The following LRMDA variants were observed in gnomAD, a reference collection of about 807,000 sequenced individuals.
The protein encoded by LRMDA is leucine-rich melanocyte differentiation-associated protein.
Under a neutral mutation model 29.8 loss-of-function variants are expected in LRMDA, and 18 were observed. The ratio of observed to expected loss-of-function variants is 0.60; its 90% CI spans 0.42 to 0.90. The LOEUF is 0.90. LRMDA is among the 40% of genes least tolerant of loss of function. LRMDA has a pLI of 0.00. For synonymous variants in LRMDA, 125 were observed against 109.4 expected (o/e 1.14, Z -0.89); for missense variants, 273 against 273.9 (o/e 1.00, Z 0.02).
chr10:75,778,854 T>A (rs1203958829), intron 2 of LRMDA, among the ~76,000 whole-genome samples: 3 of 152,192 alleles, frequency 2.0e-5, no homozygotes, highest in African/African-American at 7.2e-5. Context: ...AGGTCATGGT[T>A]TCACAAGAAC....
intron 4 of LRMDA, among the ~76,000 whole-genome samples, chr10:76,054,453 C>T (rs571816701): frequency 6.6e-6 from 1 of 152,110 alleles, no homozygotes; most frequent in African/African-American, 2.4e-5. Flanking sequence ...CTCTCTTTCT[C>T]CTTTGATTTC....
At chr10:76,187,147 A>G (rs1216287622) in intron 5 of LRMDA, among the ~76,000 whole-genome samples, 1 of 152,176 alleles carries the variant, frequency 6.6e-6, no homozygotes, top group African/African-American at 2.4e-5. Context: ...TATATACCAC[A>G]CGATGCTGTC....
chr10:76,127,942 T>G (rs1179176939), intron 5 of LRMDA, among the ~76,000 whole-genome samples: 1 of 152,154 alleles, frequency 6.6e-6, no homozygotes, highest in East Asian at 1.9e-4. Context: ...CATATGAATG[T>G]AGCATTTTAA....
intron 5 of LRMDA, among the ~76,000 whole-genome samples, chr10:76,180,862 T>G (rs1268155451): frequency 6.6e-6 from 1 of 152,158 alleles, no homozygotes; most frequent in Non-Finnish European, 1.5e-5. Flanking sequence ...TTTCCTGGCC[T>G]TATCAATCTA....
intron 5 of LRMDA, among the ~76,000 whole-genome samples, chr10:76,256,796 G>A (rs1852602407): frequency 6.6e-6 from 1 of 152,102 alleles, no homozygotes. Flanking sequence ...TTACTCTGGG[G>A]AACTCCTAGC....
At chr10:75,774,495 T>C (rs11001496) in intron 2 of LRMDA, among the ~76,000 whole-genome samples, 10,579 of 152,182 alleles carry the variant, frequency 0.07, 944 homozygotes, top group East Asian at 0.46. Context: ...CTGGTGGATA[T>C]GACATATTGT....
chr10:76,450,121 CAG>C (rs1203625899), intron 6 of LRMDA, among the ~76,000 whole-genome samples: 1 of 151,988 alleles, frequency 6.6e-6, no homozygotes, highest in Non-Finnish European at 1.5e-5. Context: ...TGTGCTTTCT[CAG>C]GAAGAGAATA....
Position 76,365,107 on chromosome 10 carries a change from T to TATATATATACACACACACAC in LRMDA, c.601+40623_601+40624insTATATATACACACACACACA, listed in dbSNP as rs141131236. Among the ~76,000 whole-genome samples, 2 of 61,202 alleles carry TATATATATACACACACACAC rather than the reference T, an allele frequency of 3.3e-5. 1 individual carries two copies. Among genetic ancestry groups the TATATATATACACACACACAC allele is most frequent in the Non-Finnish European group, 8.7e-5 (2 of 23,082 alleles). The allele number at this position is 61,202 out of a possible 152,430, so 40.2% of individuals were successfully genotyped here. A position where few individuals can be genotyped will look rare whatever the true frequency, so the allele number is the denominator to read the frequency against. ...ACACATATATATATATATATATATATACACACACACACATACACACCACAG... is the reference window on the plus strand; with the variant it reads ...ACACATATATATATATATATATATATATATATATACACACACACACACACACACACACATACACACCACAG... On this transcript the variant is annotated intron_variant, in intron 6 of 6. Coordinates refer to ENST00000611255, the MANE Select transcript of LRMDA (RefSeq NM_001305581.2).
intron 2 of LRMDA, among the ~76,000 whole-genome samples, chr10:75,449,342 T>C (rs569412885): frequency 6.6e-6 from 1 of 152,202 alleles, no homozygotes; most frequent in East Asian, 1.9e-4. Flanking sequence ...AGCAGAGTAA[T>C]TGCCTGAGAC....
intron 6 of LRMDA, among the ~76,000 whole-genome samples, chr10:76,339,259 T>TC (rs751173292): frequency 4.9e-4 from 61 of 124,140 alleles, no homozygotes; most frequent in Non-Finnish European, 9.5e-4. Context: ...AAGACTTCCT[T>TC]CCCCCTCCTT....
chr10:76,192,917 AC>A (rs924660740), intron 5 of LRMDA, among the ~76,000 whole-genome samples: 49 of 152,358 alleles, frequency 3.2e-4, no homozygotes, highest in African/African-American at 1.2e-3. Context: ...CATATATCCC[AC>A]TACTTTATGA....
chr10:76,153,668 A>G (rs1303744812), intron 5 of LRMDA, among the ~76,000 whole-genome samples: 1 of 152,228 alleles, frequency 6.6e-6, no homozygotes, highest in East Asian at 1.9e-4. Flanking sequence ...AGTATTCTAT[A>G]TAATTATGAT....
chr10:75,890,972 C>T (rs1230797054), intron 2 of LRMDA, among the ~76,000 whole-genome samples: 1 of 152,014 alleles, frequency 6.6e-6, no homozygotes, highest in Non-Finnish European at 1.5e-5. Context: ...GCCATGGTGG[C>T]ATATGCCTGT....
At chr10:75,626,905 A>G (rs1010859054) in intron 2 of LRMDA, among the ~76,000 whole-genome samples, 1 of 152,148 alleles carries the variant, frequency 6.6e-6, no homozygotes, top group East Asian at 1.9e-4. Context: ...TGGACATTCT[A>G]GTTGTTGCTC....
chr10:76,415,143 G>T (rs1238956682), intron 6 of LRMDA, among the ~76,000 whole-genome samples: 1 of 152,258 alleles, frequency 6.6e-6, no homozygotes, highest in Non-Finnish European at 1.5e-5. Flanking sequence ...GGAGGGATCA[G>T]TTGAGCATGT....
At chr10:75,933,724 AAGG>A (rs1375379435) in intron 2 of LRMDA, among the ~76,000 whole-genome samples, 1 of 152,142 alleles carries the variant, frequency 6.6e-6, no homozygotes, top group Admixed American at 6.6e-5. Context: ...TATTCGCTCC[AAGG>A]AGGAGAATGC....
chr10:76,531,315 A>G (rs1331180913), intron 6 of LRMDA, among the ~76,000 whole-genome samples: 1 of 152,198 alleles, frequency 6.6e-6, no homozygotes. Context: ...AGATGGGAAG[A>G]TGAGAATATG....
At chr10:76,204,670 G>T (rs1280579946) in intron 5 of LRMDA, among the ~76,000 whole-genome samples, 8 of 152,162 alleles carry the variant, frequency 5.3e-5, no homozygotes, top group Non-Finnish European at 1.2e-4. Context: ...CACTTCTTTT[G>T]TGCCTCTTCT....
intron 2 of LRMDA, among the ~76,000 whole-genome samples, chr10:75,669,803 G>C (rs1300460378): frequency 6.6e-6 from 1 of 152,094 alleles, no homozygotes; most frequent in African/African-American, 2.4e-5. Context: ...GTAATATAAA[G>C]ACATATAAAT....
Sources: allele counts gnomAD v4.1 joint callset (sites outside exome capture counted in the v4.1 genomes callset), GRCh38; gene constraint gnomAD v4.1.1; transcripts MANE v1.5; gene names NCBI Gene and HGNC (gene_info 2026-07-23, HGNC 2026-07-21).